Variants in THSD7B observed in about 807,000 individuals in gnomAD.
The protein encoded by THSD7B is thrombospondin type-1 domain-containing protein 7B.
THSD7B carries 138 observed loss-of-function variants against 213.6 expected under a neutral mutation model. The observed-to-expected ratio is 0.65, with a 90% CI of 0.56 to 0.74. The LOEUF (loss-of-function observed/expected upper bound fraction) is 0.74, where lower values mean the gene tolerates loss of function less well. Ranked by LOEUF, THSD7B falls within the 30% of genes least tolerant of loss-of-function variation. The pLI is 0.00. For missense variants in THSD7B, 1,931 were observed against 1,991.5 expected, an observed-to-expected ratio of 0.97 and a Z score of 0.58; for synonymous variants, 742 against 687.0, an observed-to-expected ratio of 1.08 and a Z score of -1.25.
intron 12 of THSD7B, among the ~76,000 whole-genome samples, chr2:137,319,260 A>G (rs1434093175): frequency 6.7e-6 from 1 of 148,892 alleles, no homozygotes; most frequent in Non-Finnish European, 1.5e-5. Flanking sequence ...AATGGGACCT[A>G]GGGTTATCTC....
chr2:137,429,247 C>T (rs932548261), intron 14 of THSD7B, among the ~76,000 whole-genome samples: 29 of 152,096 alleles, frequency 1.9e-4, no homozygotes, highest in Non-Finnish European at 3.2e-4. Context: ...AATAGTTGTA[C>T]AGCTCTGTGA....
intron 1 of THSD7B, among the ~76,000 whole-genome samples, chr2:136,869,941 A>C (rs1683403664): frequency 6.6e-6 from 1 of 152,102 alleles, no homozygotes; most frequent in South Asian, 2.1e-4. Flanking sequence ...GCATGGTGGC[A>C]CGTGCCTGTA....
At chr2:136,766,827 C>A (rs1441013149) in intron 1 of THSD7B, among the ~76,000 whole-genome samples, 1 of 152,130 alleles carries the variant, frequency 6.6e-6, no homozygotes, top group Non-Finnish European at 1.5e-5. Flanking sequence ...TGCTGAAAGC[C>A]GGCAGTTTCC....
intron 12 of THSD7B, among the ~76,000 whole-genome samples, chr2:137,313,945 T>G (rs995210841): frequency 6.6e-6 from 1 of 152,242 alleles, no homozygotes; most frequent in Non-Finnish European, 1.5e-5. Flanking sequence ...TAACATTTTT[T>G]GCTTCATTTC....
intron 4 of THSD7B, among the ~76,000 whole-genome samples, chr2:137,099,582 T>C (rs1055646582): frequency 6.6e-6 from 1 of 152,154 alleles, no homozygotes; most frequent in Non-Finnish European, 1.5e-5. Context: ...ACATCTTTCT[T>C]AGAAGAGATA....
chr2:137,003,287 A>G (rs74530254), intron 2 of THSD7B, among the ~76,000 whole-genome samples: 8,851 of 152,272 alleles, frequency 0.058, 365 homozygotes, highest in East Asian at 0.11. Flanking sequence ...AAAGGAGTTT[A>G]AAAGCTTTGC....
At position 137,092,587 on chromosome 2, in the gene THSD7B, C is replaced by T. The variant is rs150334442; in HGVS notation, c.951-2286C>T. Among the ~76,000 whole-genome samples the T allele has an allele frequency of 3.2e-3, 480 of 152,026 alleles. 3 individuals carry two copies. Among genetic ancestry groups the T allele is most frequent in the African/African-American group, 0.011 (454 of 41,474 alleles). Reference sequence around the variant, plus strand: ...TTTTACTCTGTCTTCTATAAATGATCGCTCCCCCATTTATGTGTTTTCCCA... The same window carrying T: ...TTTTACTCTGTCTTCTATAAATGATTGCTCCCCCATTTATGTGTTTTCCCA... On this transcript the variant is annotated intron_variant, in intron 3 of 27. Coordinates refer to ENST00000409968, the MANE Select transcript of THSD7B (RefSeq NM_001316349.2).
intron 7 of THSD7B, among the ~76,000 whole-genome samples, chr2:137,198,621 T>C (rs1680814243): frequency 6.6e-6 from 1 of 152,086 alleles, no homozygotes; most frequent in Non-Finnish European, 1.5e-5. Flanking sequence ...CCACTACATA[T>C]ATGCACTTTA....
intron 2 of THSD7B, among the ~76,000 whole-genome samples, chr2:137,041,434 A>G (rs1271649970): frequency 1.3e-5 from 2 of 151,948 alleles, no homozygotes; most frequent in African/African-American, 4.8e-5. Context: ...TCAATTGGCA[A>G]CATACATATA....
intron 19 of THSD7B, among the ~76,000 whole-genome samples, chr2:137,620,137 T>C (rs1037268709): frequency 6.6e-6 from 1 of 152,240 alleles, no homozygotes; most frequent in Non-Finnish European, 1.5e-5. Flanking sequence ...CGACCATGAT[T>C]GTTTTTAGCC....
chr2:137,258,480 G>C (rs1021329937), intron 10 of THSD7B, among the ~76,000 whole-genome samples: 2 of 151,864 alleles, frequency 1.3e-5, no homozygotes, highest in African/African-American at 4.8e-5. Context: ...GCCTTGACCT[G>C]TCCTTCCCCA....
intron 7 of THSD7B, among the ~76,000 whole-genome samples, chr2:137,224,754 C>T (rs1681457366): frequency 6.6e-6 from 1 of 152,106 alleles, no homozygotes; most frequent in African/African-American, 2.4e-5. Context: ...TCACTGCAAG[C>T]TCCGCCTCCC....
intron 12 of THSD7B, among the ~76,000 whole-genome samples, chr2:137,334,294 T>C (rs1243790219): frequency 6.6e-6 from 1 of 152,126 alleles, no homozygotes; most frequent in East Asian, 1.9e-4. Context: ...CAAATTGTGT[T>C]CCACCATCAC....
chr2:137,146,351 CG>C (rs1679702833), intron 5 of THSD7B, among the ~76,000 whole-genome samples: 1 of 151,954 alleles, frequency 6.6e-6, no homozygotes. Context: ...ACAACAAAGC[CG>C]AGTTTCAAAT....
Position 136,912,321 on chromosome 2 carries a change from CAAAAAAA to C in THSD7B, c.139+30025_139+30031del, listed in dbSNP as rs1159184476. ...TGGGTGACAGAGCGAGACTCCATCT[CAAAAAAA>C]AAAAAAAAAAAAAAAAAAAAGGAGA... On this transcript the variant is annotated intron_variant, in intron 2 of 27. Coordinates refer to ENST00000409968, the MANE Select transcript of THSD7B (RefSeq NM_001316349.2). Among the ~76,000 whole-genome samples the C allele has an allele frequency of 9.2e-3, 512 of 55,782 alleles. 1 individual carries two copies. Among genetic ancestry groups the C allele is most frequent in the African/African-American group, 0.043 (487 of 11,290 alleles). The allele number at this position is 55,782 out of a possible 152,430, so 36.6% of individuals were successfully genotyped here. A position where few individuals can be genotyped will look rare whatever the true frequency, so the allele number is the denominator to read the frequency against.
At chr2:137,424,051 G>A (rs142916509) in intron 14 of THSD7B, among the ~76,000 whole-genome samples, 300 of 152,178 alleles carry the variant, frequency 2.0e-3, no homozygotes, top group African/African-American at 6.9e-3. Flanking sequence ...TACTATGACT[G>A]TTCAATGAAG....
intron 1 of THSD7B, among the ~76,000 whole-genome samples, chr2:136,778,450 A>G (rs778296607): frequency 6.6e-6 from 1 of 152,116 alleles, no homozygotes; most frequent in South Asian, 2.1e-4. Flanking sequence ...AATGAGGTGA[A>G]TATCTACCCC....
chr2:136,779,656 A>T (rs1270443464), intron 1 of THSD7B, among the ~76,000 whole-genome samples: 1 of 152,222 alleles, frequency 6.6e-6, no homozygotes, highest in Non-Finnish European at 1.5e-5. Context: ...AACTTGGAGT[A>T]TTCCCAAAAA....
chr2:137,488,715 G>T (rs148515322), intron 15 of THSD7B, among the ~76,000 whole-genome samples: 68 of 152,292 alleles, frequency 4.5e-4, no homozygotes, highest in Non-Finnish European at 8.1e-4. Context: ...AATTTTTGGA[G>T]AATGAAACAT....
Sources: allele counts gnomAD v4.1 joint callset (sites outside exome capture counted in the v4.1 genomes callset), GRCh38; gene constraint gnomAD v4.1.1; transcripts MANE v1.5; gene names NCBI Gene and HGNC (gene_info 2026-07-23, HGNC 2026-07-21).